Variants in DNAJC5B observed in about 807,000 individuals in gnomAD.
DNAJC5B encodes dnaJ homolog subfamily C member 5B.
Under a neutral mutation model 24.7 loss-of-function variants are expected in DNAJC5B, and 23 were observed. The ratio of observed to expected loss-of-function variants is 0.93; its 90% confidence interval spans 0.67 to 1.32. The LOEUF (loss-of-function observed/expected upper bound fraction) is 1.32, where lower values mean the gene tolerates loss of function less well. Ranked by LOEUF, DNAJC5B falls within the 40% of genes most tolerant of loss-of-function variation. The pLI, the probability that DNAJC5B is intolerant of heterozygous loss-of-function variation, is 0.00. For missense variants in DNAJC5B, 238 were observed against 240.8 expected, an observed-to-expected ratio of 0.99 and a Z score of 0.08; for synonymous variants, 101 against 90.1, an observed-to-expected ratio of 1.12 and a Z score of -0.68.
At chr8:66,066,778 G>A (rs1012993346) in intron 3 of DNAJC5B, among the ~76,000 whole-genome samples, 14 of 152,146 alleles carry the variant, frequency 9.2e-5, no homozygotes, top group African/African-American at 3.1e-4. Context: ...CTACTCAGGT[G>A]TTGGATGCAC....
rs1563595133 is a variant in DNAJC5B at position 66,051,635 on chromosome 8, G to A, written c.88G>A (p.Ala30Thr). Residue 30 changes from alanine (A) to threonine (T), a missense_variant, in exon 3 of 6, where the codon GCA becomes ACA. Coordinates refer to ENST00000276570, the MANE Select transcript of DNAJC5B (RefSeq NM_033105.6). ...CGAAATTCTTGGTCTGCATAAGGGA[G>A]CATCAAATGAAGAAATTAAGAAAAC... ...LYEILGLHKG[A>T]SNEEIKKTYR... The A allele has an allele frequency of 6.2e-7, 1 of 1,612,354 alleles. No individual in the cohort carries two copies. The highest frequency in any genetic ancestry group is 8.5e-7 in the Non-Finnish European group (1 of 1,179,506).
At chr8:66,042,043 C>T (rs1383893239) in intron 1 of DNAJC5B, among the ~76,000 whole-genome samples, 1 of 152,148 alleles carries the variant, frequency 6.6e-6, no homozygotes, top group Non-Finnish European at 1.5e-5. Flanking sequence ...CTCTAATCTT[C>T]CTCTGTTCAC....
chr8:66,027,471 G>A (rs1806270413), intron 1 of DNAJC5B, among the ~76,000 whole-genome samples: 1 of 152,154 alleles, frequency 6.6e-6, no homozygotes, highest in Non-Finnish European at 1.5e-5. Flanking sequence ...GGAAGTGAAA[G>A]ATTCACTCTC....
intron 2 of DNAJC5B, among the ~76,000 whole-genome samples, chr8:66,050,749 A>G (rs1806827252): frequency 6.6e-6 from 1 of 152,222 alleles, no homozygotes; most frequent in Admixed American, 6.5e-5. Context: ...CCCAAAAGGC[A>G]TTTGTTAAGA....
At chr8:66,094,175 A>T (rs978334401) in intron 5 of DNAJC5B, among the ~76,000 whole-genome samples, 1 of 152,072 alleles carries the variant, frequency 6.6e-6, no homozygotes, top group Admixed American at 6.5e-5. Context: ...ATAAATCTCA[A>T]AATCAGGTTT....
intron 2 of DNAJC5B, among the ~76,000 whole-genome samples, chr8:66,047,399 C>G (rs1411416715): frequency 6.6e-6 from 1 of 152,234 alleles, no homozygotes; most frequent in Admixed American, 6.5e-5. Flanking sequence ...TGCAGTTAAT[C>G]AGGTTCTATC....
At chr8:66,021,049 C>G (rs974322790), upstream of DNAJC5B, among the ~76,000 whole-genome samples, 4 of 152,170 alleles carry the variant, frequency 2.6e-5, no homozygotes, top group African/African-American at 9.7e-5. Context: ...GGTCTGGTGG[C>G]TCAGGATTTC....
chr8:66,099,911 T>C, intron 5 of DNAJC5B, 26 bp from the exon 6 acceptor site: 1 of 1,602,422 alleles, frequency 6.2e-7, no homozygotes, highest in Non-Finnish European at 8.5e-7. Context: ...TGAGAGTGTT[T>C]ATTGCTTTGC....
chr8:66,088,910 A>T (rs1807786953), intron 5 of DNAJC5B, among the ~76,000 whole-genome samples: 1 of 152,176 alleles, frequency 6.6e-6, no homozygotes, highest in South Asian at 2.1e-4. Context: ...TCTTCTTCAG[A>T]GCCCTCCAAA....
intron 3 of DNAJC5B, among the ~76,000 whole-genome samples, chr8:66,062,171 A>C (rs1049388227): frequency 6.6e-6 from 1 of 152,250 alleles, no homozygotes; most frequent in African/African-American, 2.4e-5. Context: ...TGCAAAAAAG[A>C]ATTAGAAAAT....
At chr8:66,042,597 CTCTTCTTCT>C (rs35507342) in intron 1 of DNAJC5B, among the ~76,000 whole-genome samples, 16 of 145,010 alleles carry the variant, frequency 1.1e-4, no homozygotes, top group African/African-American at 2.7e-4. Flanking sequence ...CTTCTTCTTC[CTCTTCTTCT>C]TCTTCTTCTT....
chr8:66,027,714 T>TA (rs1461897613), intron 1 of DNAJC5B, among the ~76,000 whole-genome samples: 2 of 152,180 alleles, frequency 1.3e-5, no homozygotes, highest in Admixed American at 1.3e-4. Context: ...AGCCTTTTTT[T>TA]AATGTTAGGA....
At chr8:66,032,447 A>G (rs1806379526) in intron 1 of DNAJC5B, among the ~76,000 whole-genome samples, 1 of 152,170 alleles carries the variant, frequency 6.6e-6, no homozygotes, top group Non-Finnish European at 1.5e-5. Flanking sequence ...CTTTGTGTGG[A>G]TATTATTATT....
At chr8:66,043,131 T>C (rs573275360) in intron 1 of DNAJC5B, among the ~76,000 whole-genome samples, 17 of 152,344 alleles carry the variant, frequency 1.1e-4, no homozygotes, top group African/African-American at 2.9e-4. Context: ...GGGTTAAATA[T>C]GCAGATTTGA....
intron 5 of DNAJC5B, among the ~76,000 whole-genome samples, chr8:66,099,367 G>A (rs897982111): frequency 7.2e-5 from 11 of 152,172 alleles, no homozygotes; most frequent in African/African-American, 2.7e-4. Context: ...GTAGATTTAG[G>A]AGTAGATTTA....
intron 1 of DNAJC5B, among the ~76,000 whole-genome samples, chr8:66,040,819 A>T (rs1048818170): frequency 1.3e-5 from 2 of 152,230 alleles, no homozygotes; most frequent in African/African-American, 4.8e-5. Flanking sequence ...TTAGCCTTCG[A>T]TAATTCTATG....
At chr8:66,063,529 G>C (rs1807126982) in intron 3 of DNAJC5B, among the ~76,000 whole-genome samples, 1 of 152,184 alleles carries the variant, frequency 6.6e-6, no homozygotes, top group Admixed American at 6.5e-5. Context: ...CTGAAAAGAA[G>C]AGTATGTGAG....
At chr8:66,029,095 A>G (rs1806307349) in intron 1 of DNAJC5B, among the ~76,000 whole-genome samples, 1 of 152,058 alleles carries the variant, frequency 6.6e-6, no homozygotes, top group South Asian at 2.1e-4. Flanking sequence ...TTGAACTCCT[A>G]ATCCGGCCTC....
chr8:66,028,503 T>C (rs1384630846), intron 1 of DNAJC5B, among the ~76,000 whole-genome samples: 1 of 152,210 alleles, frequency 6.6e-6, no homozygotes, highest in African/African-American at 2.4e-5. Context: ...GAAGTCAACA[T>C]GTTCCAAAAC....
Sources: allele counts gnomAD v4.1 joint callset (sites outside exome capture counted in the v4.1 genomes callset), GRCh38; gene constraint gnomAD v4.1.1; transcripts MANE v1.5; gene names NCBI Gene and HGNC (gene_info 2026-07-23, HGNC 2026-07-21).